Variants in RNF150 observed in about 807,000 individuals in gnomAD.
RNF150 encodes the protein ring finger protein 150.
A neutral mutation model predicts 39.3 loss-of-function variants in RNF150; 24 were observed. The ratio of observed to expected loss-of-function variants is 0.61; its 90% CI spans 0.44 to 0.86. The LOEUF (loss-of-function observed/expected upper bound fraction) is 0.86, where lower values mean the gene tolerates loss of function less well. Among genes scored for constraint, RNF150 ranks in the 40% least tolerant of loss-of-function variants. The probability of loss-of-function intolerance (pLI) is 0.00; values close to 1 mark genes in which losing one functional copy is unlikely to be tolerated. For synonymous variants in RNF150, 255 were observed against 227.3 expected, an observed-to-expected ratio of 1.12 and a Z score of -1.10; for missense variants, 502 against 587.8, an observed-to-expected ratio of 0.85 and a Z score of 1.51.
chr4:141,119,815 AG>A (rs1406233982), intron 1 of RNF150, among the ~76,000 whole-genome samples: 8 of 152,304 alleles, frequency 5.3e-5, no homozygotes, highest in East Asian at 1.9e-4. Flanking sequence ...GTACCTTATA[AG>A]GGGTTAAAGT....
intron 6 of RNF150, among the ~76,000 whole-genome samples, chr4:140,903,955 C>T (rs1364069978): frequency 6.6e-6 from 1 of 152,214 alleles, no homozygotes; most frequent in Non-Finnish European, 1.5e-5. Flanking sequence ...GACAGGAAAG[C>T]CCTGGCAGTC....
intron 1 of RNF150, among the ~76,000 whole-genome samples, chr4:141,090,839 T>C (rs922190626): frequency 6.6e-6 from 1 of 152,222 alleles, no homozygotes; most frequent in Admixed American, 6.5e-5. Flanking sequence ...GCTGGAAATC[T>C]GGATTTCTAT....
At chr4:141,148,195 A>ATCTT (rs1375640429) in intron 1 of RNF150, among the ~76,000 whole-genome samples, 2 of 152,112 alleles carry the variant, frequency 1.3e-5, no homozygotes, top group African/African-American at 4.8e-5. Context: ...TTTTTTGAAA[A>ATCTT]TCTTTGTAAA....
chr4:140,861,994 A>G lies in RNF150; in HGVS notation c.*6267T>C, dbSNP rs899088254. ...ATGCAACCCACCTTCGCTTTTATTT[A>G]TGAGAACATTGGGAGAAAATTCAAC... On this transcript the variant is annotated 3_prime_UTR_variant, in exon 7 of 7. Coordinates refer to ENST00000515673, the MANE Select transcript of RNF150 (RefSeq NM_020724.2). 3.3e-5 allele frequency: 5 copies of G among 152,176 alleles called. No homozygotes were observed. The highest frequency in any genetic ancestry group is 1.2e-4 in the African/African-American group (5 of 41,448). The allele number at this position is 152,176 out of a possible 1,614,324, so 9.4% of individuals were successfully genotyped here.
intron 1 of RNF150, among the ~76,000 whole-genome samples, chr4:141,185,047 G>A (rs1727980652): frequency 6.6e-6 from 1 of 151,844 alleles, no homozygotes; most frequent in Non-Finnish European, 1.5e-5. Context: ...TTAAAGTAGG[G>A]TTTTCTAGTT....
intron 3 of RNF150, 26 bp downstream of exon 3, chr4:140,949,275 C>T (rs552016200): frequency 1.9e-6 from 3 of 1,583,448 alleles, no homozygotes; most frequent in East Asian, 4.5e-5. Context: ...TAGCTCCTCA[C>T]CAAAAAGAAA....
chr4:141,180,714 G>A (rs1377310508), intron 1 of RNF150, among the ~76,000 whole-genome samples: 1 of 151,868 alleles, frequency 6.6e-6, no homozygotes, highest in Non-Finnish European at 1.5e-5. Context: ...ACATATATAT[G>A]GTACATTAAG....
At chr4:140,911,395 C>G (rs781475832) in intron 5 of RNF150, 41 bp from the exon 6 acceptor site, 3 of 1,541,590 alleles carry the variant, frequency 1.9e-6, no homozygotes, top group Non-Finnish European at 2.7e-6. Flanking sequence ...TACATGTCAT[C>G]CACTTAGAGA....
intron 6 of RNF150, among the ~76,000 whole-genome samples, chr4:140,906,316 A>G (rs1371358595): frequency 2.0e-5 from 3 of 152,172 alleles, no homozygotes; most frequent in Non-Finnish European, 4.4e-5. Context: ...CAAGGAAAAA[A>G]AAACCCAACA....
At chr4:140,999,768 C>T (rs1305442854) in intron 1 of RNF150, among the ~76,000 whole-genome samples, 1 of 151,680 alleles carries the variant, frequency 6.6e-6, no homozygotes. Context: ...AACCCCATCT[C>T]TACTAAAAAT....
chr4:140,988,255 T>C (rs1408644797), intron 1 of RNF150, among the ~76,000 whole-genome samples: 1 of 152,156 alleles, frequency 6.6e-6, no homozygotes, highest in Non-Finnish European at 1.5e-5. Context: ...TTACTGGGTA[T>C]ACCCAAAGGA....
At chr4:141,171,416 G>A (rs1250804546) in intron 1 of RNF150, among the ~76,000 whole-genome samples, 7 of 151,910 alleles carry the variant, frequency 4.6e-5, no homozygotes, top group Non-Finnish European at 1.0e-4. Flanking sequence ...GCGTGTGTGT[G>A]TGCACACACC....
chr4:140,964,112 T>C (rs1369363689), intron 2 of RNF150, among the ~76,000 whole-genome samples: 1 of 152,102 alleles, frequency 6.6e-6, no homozygotes, highest in Non-Finnish European at 1.5e-5. Flanking sequence ...TGTCTAACAT[T>C]TGAAAGCAGT....
intron 1 of RNF150, among the ~76,000 whole-genome samples, chr4:141,073,067 C>T (rs1737765742): frequency 6.6e-6 from 1 of 151,966 alleles, no homozygotes. Context: ...TTAGTCACGG[C>T]ACCACGGCCT....
At chr4:140,996,439 G>C (rs920634793) in intron 1 of RNF150, among the ~76,000 whole-genome samples, 1 of 152,166 alleles carries the variant, frequency 6.6e-6, no homozygotes, top group East Asian at 1.9e-4. Context: ...GCATGATAGA[G>C]TAGAAAGAAA....
intron 1 of RNF150, among the ~76,000 whole-genome samples, chr4:141,176,246 C>A (rs1338512523): frequency 2.0e-5 from 3 of 152,006 alleles, no homozygotes; most frequent in Non-Finnish European, 4.4e-5. Flanking sequence ...GGGGTCCAAC[C>A]TTATGGTATC....
intron 4 of RNF150, among the ~76,000 whole-genome samples, chr4:140,935,043 AT>A (rs543946667): frequency 0.011 from 52 of 4,544 alleles, no homozygotes; most frequent in African/African-American, 0.022. Flanking sequence ...ATATATATAT[AT>A]AAATATATAT....
At chr4:140,981,701 G>GTC (rs1235625111) in intron 1 of RNF150, among the ~76,000 whole-genome samples, 4 of 152,154 alleles carry the variant, frequency 2.6e-5, no homozygotes, top group African/African-American at 9.7e-5. Context: ...CAGGACTTTG[G>GTC]TCTCCACCTG....
Position 140,870,566 on chromosome 4 carries a change from C to T in RNF150, c.1199-2187G>A, listed in dbSNP as rs188802270. The stretch of plus-strand genomic sequence containing the variant: ...TCGGGAAATTCTCAAGTGCAAATTA[C>T]GGTGGTTCTCCCTTTCCCCATGCCT... On this transcript the variant is annotated intron_variant, in intron 6 of 6. Coordinates refer to ENST00000515673, the MANE Select transcript of RNF150 (RefSeq NM_020724.2). Among the ~76,000 whole-genome samples the T allele has an allele frequency of 4.0e-4, 61 of 152,082 alleles. No individual in the cohort carries two copies. In the East Asian group the frequency reaches 6.2e-3, roughly 15 times the overall value.
Sources: allele counts gnomAD v4.1 joint callset (sites outside exome capture counted in the v4.1 genomes callset), GRCh38; gene constraint gnomAD v4.1.1; transcripts MANE v1.5; gene names NCBI Gene and HGNC (gene_info 2026-07-23, HGNC 2026-07-21).